The following PZP variants were observed in gnomAD, a reference collection of about 807,000 sequenced individuals.
PZP encodes the protein PZP alpha-2-macroglobulin like, also known as pregnancy zone protein.
Under a neutral mutation model 179.8 loss-of-function variants are expected in PZP, and 150 were observed. The ratio of observed to expected loss-of-function variants is 0.83; its 90% CI spans 0.73 to 0.96. The LOEUF is 0.96. Among genes scored for constraint, PZP ranks in the 40% least tolerant of loss-of-function variants. The pLI, the probability that PZP is intolerant of heterozygous loss-of-function variation, is 0.00. For synonymous variants in PZP, 624 were observed against 652.3 expected (o/e 0.96, Z 0.66); for missense variants, 1,689 against 1,764.0 (o/e 0.96, Z 0.76).
intron 34 of PZP, among the ~76,000 whole-genome samples, chr12:9,149,813 T>C (rs1940215119): frequency 6.6e-6 from 1 of 152,260 alleles, no homozygotes; most frequent in Admixed American, 6.5e-5. Flanking sequence ...CCTGTTCAGA[T>C]GGCAGCTGTT....
intron 13 of PZP, among the ~76,000 whole-genome samples, chr12:9,191,806 A>G (rs769293140): frequency 6.6e-6 from 1 of 152,296 alleles, no homozygotes; most frequent in East Asian, 1.9e-4. Context: ...AAAAAAATCT[A>G]TCACCTTTCT....
intron 15 of PZP, among the ~76,000 whole-genome samples, chr12:9,171,425 A>G (rs1235535712): frequency 6.6e-6 from 1 of 152,216 alleles, no homozygotes; most frequent in African/African-American, 2.4e-5. Context: ...AAAACAACGA[A>G]AACTCAAAAT....
the PZP span, among the ~76,000 whole-genome samples, chr12:9,140,840 T>C: frequency 6.6e-6 from 1 of 152,316 alleles, no homozygotes; most frequent in South Asian, 2.1e-4. Flanking sequence ...CCGAGAGTTT[T>C]ATTGGCTCCA....
intron 13 of PZP, among the ~76,000 whole-genome samples, chr12:9,185,391 T>C (rs73249115): frequency 0.011 from 1,745 of 152,124 alleles, 29 homozygotes; most frequent in African/African-American, 0.04. Flanking sequence ...GAAAGAAGAA[T>C]GAAAAGGAAT....
rs772435877 is a variant in PZP, at chr12:9,192,248, A to C, written c.1491T>G (p.Ala497=). The C allele has an allele frequency of 2.6e-5, 42 of 1,614,046 alleles. No homozygotes were observed. The East Asian group carries it at 8.9e-4, about 34-fold the overall frequency. ...TTCCAGATCTGACGATGACTCCCTT[A>C]GCCATGATCTGAAATGAAAAAACAG... ...SELSFHYLIM[A]KGVIVRSGTH... is the part of the protein sequence containing the mutation. The change falls in exon 13 of 36, where the codon GCT becomes GCG. Residue 497 remains alanine (A), a synonymous_variant. Transcript: ENST00000261336.
rs1184373655 is a variant in PZP at position 9,151,625 on chromosome 12, A to G, written c.4260T>C (p.His1420=). 8.1e-6 allele frequency: 13 copies of G among 1,613,950 alleles called. No individual in the cohort carries two copies. Among genetic ancestry groups the G allele is most frequent in the Non-Finnish European group, 1.1e-5 (13 of 1,179,888 alleles). The stretch of plus-strand genomic sequence containing the variant: ...TCACCTGTTCCACATAAATGAGGAC[A>G]TGGTTGTTGCTCACTTCTGTCCGGC... ...SVSRTEVSNN[H]VLIYVEQVTN... The change falls in exon 33 of 36, where the codon CAT becomes CAC. Residue 1420 remains histidine, a synonymous_variant. Coordinates refer to ENST00000261336, the MANE Select transcript of PZP (RefSeq NM_002864.3).
chr12:9,202,402 A>G, intron 3 of PZP, 31 bp from the exon 4 acceptor site: 1 of 1,614,114 alleles, frequency 6.2e-7, no homozygotes, highest in Non-Finnish European at 8.5e-7. Context: ...TAAGATTCAG[A>G]CATGATAAAG....
chr12:9,156,058 T>C, intron 28 of PZP: 1 of 212,848 alleles, frequency 4.7e-6, no homozygotes, highest in South Asian at 9.0e-5. Context: ...GTTTCTGAGA[T>C]TAGAAAGAGT....
intron 33 of PZP, among the ~76,000 whole-genome samples, chr12:9,151,226 G>A (rs1250675520): frequency 6.6e-6 from 1 of 152,062 alleles, no homozygotes; most frequent in Non-Finnish European, 1.5e-5. Context: ...ATTTTGTGGA[G>A]GTGGTCTTTA....
chr12:9,150,256 T>G (rs2120492137), intron 34 of PZP, among the ~76,000 whole-genome samples: 1 of 152,332 alleles, frequency 6.6e-6, no homozygotes. Context: ...GATAAATTTG[T>G]TCAGTAAGTT....
the PZP span, among the ~76,000 whole-genome samples, chr12:9,138,002 G>A: frequency 6.6e-6 from 1 of 151,928 alleles, no homozygotes; most frequent in Non-Finnish European, 1.5e-5. Flanking sequence ...GATTTGGTAG[G>A]CTTTAATTTA....
intron 15 of PZP, among the ~76,000 whole-genome samples, chr12:9,173,637 T>C (rs1942155172): frequency 1.3e-5 from 2 of 152,032 alleles, no homozygotes; most frequent in African/African-American, 4.8e-5. Flanking sequence ...TCAGAAATGA[T>C]AGGGGAATAT....
At chr12:9,157,701 G>T (rs2120610257) in intron 27 of PZP, 66 bp downstream of exon 27, 1 of 1,405,074 alleles carries the variant, frequency 7.1e-7, no homozygotes, top group Non-Finnish European at 1.0e-6. Flanking sequence ...ACCCTTAGCA[G>T]GGTGGCATTC....
chr12:9,192,573 GC>G lies in PZP; in HGVS notation c.1420del (p.Ala474HisfsTer5). 1 of 1,614,220 alleles carries G rather than the reference GC, an allele frequency of 6.2e-7. No homozygotes were observed. Among genetic ancestry groups the G allele is most frequent in the Non-Finnish European group, 8.5e-7 (1 of 1,180,042 alleles). Reference sequence around the variant, plus strand: ...GGCCTGTCTATTCAGTGTATAGTGTGCCGTGATAGTCTCCGTGTGGCCACAG... The same window carrying G: ...GGCCTGTCTATTCAGTGTATAGTGTGCGTGATAGTCTCCGTGTGGCCACAG... ...LPCGHTETIT[A>X]HYTLNRQAMG... On this transcript the variant is annotated frameshift_variant, in exon 12 of 36. Coordinates refer to ENST00000261336, the MANE Select transcript of PZP (RefSeq NM_002864.3). LOFTEE classifies it high-confidence loss of function.
chr12:9,147,198 C>G (rs1213036728), downstream of PZP, among the ~76,000 whole-genome samples: 1 of 152,198 alleles, frequency 6.6e-6, no homozygotes, highest in African/African-American at 2.4e-5. Context: ...ACACACTCTG[C>G]TGACCAGGGA....
intron 28 of PZP, among the ~76,000 whole-genome samples, chr12:9,156,526 G>A (rs1479485111): frequency 6.6e-6 from 1 of 152,198 alleles, no homozygotes; most frequent in African/African-American, 2.4e-5. Flanking sequence ...GCATTGGGTG[G>A]GAATTTAGGG....
intron 11 of PZP, 33 bp from the exon 12 acceptor site, chr12:9,192,772 G>A: frequency 1.4e-6 from 2 of 1,450,770 alleles, no homozygotes; most frequent in Non-Finnish European, 1.9e-6. Flanking sequence ...AAAGAATACT[G>A]TCTTGAAATT....
chr12:9,167,492 A>G (rs770526375), intron 17 of PZP: 18 of 152,244 alleles, frequency 1.2e-4, no homozygotes, highest in African/African-American at 4.3e-4. Context: ...AGGTCGCACA[A>G]TCACTCACCG....
At chr12:9,188,237 T>C (rs947839384) in intron 13 of PZP, among the ~76,000 whole-genome samples, 2 of 152,236 alleles carry the variant, frequency 1.3e-5, no homozygotes, top group African/African-American at 4.8e-5. Context: ...TATCAATAAA[T>C]GTGATTCATT....
Sources: allele counts gnomAD v4.1 joint callset (sites outside exome capture counted in the v4.1 genomes callset), GRCh38; gene constraint gnomAD v4.1.1; transcripts MANE v1.5; gene names NCBI Gene and HGNC (gene_info 2026-07-23, HGNC 2026-07-21).